DENND4C: variants seen among roughly 807,000 people sequenced by gnomAD.
DENND4C encodes DENN domain-containing protein 4C.
A neutral mutation model predicts 203.0 loss-of-function variants in DENND4C; 108 were observed. The observed-to-expected ratio is 0.53, with a 90% CI of 0.46 to 0.62. The LOEUF is 0.62. DENND4C is among the 20% of genes least tolerant of loss of function. DENND4C has a pLI of 0.00. For missense variants in DENND4C, 2,481 were observed against 2,301.2 expected, an observed-to-expected ratio of 1.08 and a Z score of -1.60; for synonymous variants, 871 against 792.4, an observed-to-expected ratio of 1.10 and a Z score of -1.67.
intron 6 of DENND4C, 87 bp downstream of exon 6, chr9:19,296,333 TGGAAG>T: frequency 2.1e-6 from 2 of 956,008 alleles, no homozygotes; most frequent in South Asian, 3.4e-5. Flanking sequence ...GCAGCAAAGT[TGGAAG>T]GGAAGGAAGC....
intron 12 of DENND4C, among the ~76,000 whole-genome samples, chr9:19,319,419 T>C (rs562117732): frequency 4.3e-4 from 61 of 142,816 alleles, no homozygotes; most frequent in Non-Finnish European, 6.3e-4. Flanking sequence ...CATATATATA[T>C]ACATATATAT....
intron 1 of DENND4C, among the ~76,000 whole-genome samples, chr9:19,236,854 C>T (rs1280782427): frequency 6.6e-6 from 1 of 152,216 alleles, no homozygotes; most frequent in Non-Finnish European, 1.5e-5. Flanking sequence ...ATTCCATTTG[C>T]ATGCTACTTT....
At chr9:19,256,314 T>G (rs1827936760) in intron 1 of DENND4C, among the ~76,000 whole-genome samples, 4 of 120,336 alleles carry the variant, frequency 3.3e-5, no homozygotes, top group African/African-American at 1.3e-4. Context: ...TTTTTGTTTT[T>G]TTTTTTTTTT....
chr9:19,354,386 T>C (rs1458575383), intron 26 of DENND4C, among the ~76,000 whole-genome samples: 1 of 152,146 alleles, frequency 6.6e-6, no homozygotes, highest in Non-Finnish European at 1.5e-5. Context: ...ACACAAAATA[T>C]TGCTTCCTAG....
chr9:19,368,024 T>C (rs566106347), intron 30 of DENND4C, among the ~76,000 whole-genome samples: 2 of 152,190 alleles, frequency 1.3e-5, no homozygotes, highest in Non-Finnish European at 2.9e-5. Flanking sequence ...ATGAACATGT[T>C]CTAAAATTGA....
intron 30 of DENND4C, 52 bp downstream of exon 30, chr9:19,362,015 T>C: frequency 8.6e-7 from 1 of 1,159,670 alleles, no homozygotes; most frequent in Non-Finnish European, 1.3e-6. Flanking sequence ...GGCTCGCACC[T>C]GTAATGCCAG....
At chr9:19,357,230 AC>A in intron 27 of DENND4C, 76 bp downstream of exon 27, 1 of 1,453,042 alleles carries the variant, frequency 6.9e-7, no homozygotes, top group Non-Finnish European at 9.6e-7. Flanking sequence ...TCTAAAGACA[AC>A]CTGACTCATA....
intron 18 of DENND4C, among the ~76,000 whole-genome samples, 179 bp from the exon 19 acceptor site, chr9:19,336,091 T>A (rs1398969400): frequency 6.6e-6 from 1 of 152,144 alleles, no homozygotes; most frequent in Non-Finnish European, 1.5e-5. Flanking sequence ...ATTGTAGTCT[T>A]AATTTGCATT....
Position 19,305,344 on chromosome 9 carries a change from T to C in DENND4C, c.1312-8T>C, listed in dbSNP as rs1839449147. 6.3e-7 allele frequency: 1 copy of C among 1,575,702 alleles called. No homozygotes were observed. Among genetic ancestry groups the C allele is most frequent in the Non-Finnish European group, 8.6e-7 (1 of 1,162,090 alleles). ...AATTTGGTTAATTTTTTAAAACTTT[T>C]TCCCCAGATGATCTTTCCATTTCAG... On this transcript the variant is annotated splice_region_variant and splice_polypyrimidine_tract_variant and intron_variant, in intron 9 of 32. Transcript: ENST00000434457.
At chr9:19,264,974 G>T (rs1830189065) in intron 1 of DENND4C, among the ~76,000 whole-genome samples, 1 of 151,954 alleles carries the variant, frequency 6.6e-6, no homozygotes, top group South Asian at 2.1e-4. Flanking sequence ...GTAGGTTTTA[G>T]TATGTTGTGT....
At chr9:19,257,195 C>G (rs764120050) in intron 1 of DENND4C, among the ~76,000 whole-genome samples, 27 of 148,404 alleles carry the variant, frequency 1.8e-4, no homozygotes, top group Admixed American at 2.7e-4. Context: ...ATATTCTGAA[C>G]AGAATAAAAA....
In DENND4C at chr9:19,298,322, T is replaced by C. The variant is rs190666753; in HGVS notation, c.1107+200T>C. Among the ~76,000 whole-genome samples the C allele has an allele frequency of 2.0e-5, 3 of 152,300 alleles. No individual in the cohort carries two copies. The East Asian group carries it at 5.8e-4, about 29-fold the overall frequency. ...TGAGTGTACTGAATTGGAATAATTA[T>C]AACCCTTGGTTCATAACATTTTCAT... On this transcript the variant is annotated intron_variant, in intron 7 of 32. Coordinates refer to ENST00000434457, the MANE Select transcript of DENND4C (RefSeq NM_001330640.2).
At chr9:19,243,962 C>T (rs1404255480) in intron 1 of DENND4C, among the ~76,000 whole-genome samples, 1 of 152,092 alleles carries the variant, frequency 6.6e-6, no homozygotes, top group African/African-American at 2.4e-5. Flanking sequence ...GGGTTTGCAC[C>T]ACCACATCTG....
intron 27 of DENND4C, chr9:19,357,382 T>C: frequency 2.1e-6 from 1 of 473,932 alleles, no homozygotes. Flanking sequence ...AATGAACTTC[T>C]CAACAGTAAA....
chr9:19,358,454 A>T lies in DENND4C; in HGVS notation c.5160+294A>T, dbSNP rs1825834637. Among the ~76,000 whole-genome samples the T allele has an allele frequency of 6.6e-6, 1 of 152,076 alleles. No individual in the cohort carries two copies. Among genetic ancestry groups the T allele is most frequent in the Admixed American group, 6.5e-5 (1 of 15,280 alleles). ...GATTATTTTGAAGCAAATTTCAAAC[A>T]TCACATATTCTGTTAGTAAATATTT... On this transcript the variant is annotated intron_variant, in intron 28 of 32. Transcript: ENST00000434457. This position sits in a 1 kb window ranked among gnomAD's most constrained non-coding sequence, Gnocchi z 4.8.
At chr9:19,286,691 G>A in intron 2 of DENND4C, 78 bp from the exon 3 acceptor site, 1 of 1,161,674 alleles carries the variant, frequency 8.6e-7, no homozygotes, top group Non-Finnish European at 1.1e-6. Context: ...AACCTGAAAT[G>A]CATGTACTAT....
At chr9:19,360,533 G>T (rs755676780) in intron 29 of DENND4C, 44 bp downstream of exon 29, 1 of 1,610,376 alleles carries the variant, frequency 6.2e-7, no homozygotes, top group South Asian at 1.1e-5. Flanking sequence ...TCAGTAGGAT[G>T]AGGCTTAACT....
chr9:19,257,077 A>AAG (rs1032300616), intron 1 of DENND4C, among the ~76,000 whole-genome samples: 1 of 152,022 alleles, frequency 6.6e-6, no homozygotes, highest in African/African-American at 2.4e-5. Flanking sequence ...CTCAAAAAAA[A>AAG]AAAAGGAAAT....
In DENND4C at chr9:19,332,012, G is replaced by A. The variant is rs763566149; in HGVS notation, c.2288G>A (p.Cys763Tyr). 6.2e-7 allele frequency: 1 copy of A among 1,613,938 alleles called. No homozygotes were observed. The highest frequency in any genetic ancestry group is 1.1e-5 in the South Asian group (1 of 91,076). ...IKTAHKLAKR[C>Y]YTNPPQWAKC... is the part of the protein sequence containing the mutation. ...ACAGCTCATAAATTGGCGAAGAGAT[G>A]TTATACAAATCCACCACAGTGGGCC... Residue 763 changes from cysteine (C) to tyrosine (Y), a missense_variant, in exon 17 of 33, where the codon TGT (cysteine) becomes TAT (tyrosine). Cys to Tyr is a radical substitution (Grantham distance 194, BLOSUM62 -2). Coordinates refer to ENST00000434457, the MANE Select transcript of DENND4C (RefSeq NM_001330640.2).
Sources: allele counts gnomAD v4.1 joint callset (sites outside exome capture counted in the v4.1 genomes callset), GRCh38; gene constraint gnomAD v4.1.1; non-coding constraint Gnocchi (gnomAD v3.1); transcripts MANE v1.5; gene names NCBI Gene and HGNC (gene_info 2026-07-23, HGNC 2026-07-21).